The following EHMT1 variants were observed in gnomAD, a reference collection of about 807,000 sequenced individuals.
The protein encoded by EHMT1 is euchromatic histone lysine methyltransferase 1, also known as histone-lysine N-methyltransferase EHMT1.
A neutral mutation model predicts 147.2 loss-of-function variants in EHMT1; 15 were observed. That is an observed-to-expected ratio of 0.10 (90% CI 0.07 to 0.16). The LOEUF is 0.16. EHMT1 is among the 10% of genes least tolerant of loss of function. The pLI, the probability that EHMT1 is intolerant of heterozygous loss-of-function variation, is 1.00. For missense variants in EHMT1, 1,587 were observed against 1,772.4 expected (o/e 0.90, Z 1.88); for synonymous variants, 795 against 709.6 (o/e 1.12, Z -1.91).
chr9:137,811,638 C>T (rs1469761244), intron 19 of EHMT1, 23 bp downstream of exon 19: 13 of 1,599,082 alleles, frequency 8.1e-6, no homozygotes, highest in South Asian at 5.5e-5. Flanking sequence ...CTTCCCCCAG[C>T]GCGGGCTGGC....
intron 1 of EHMT1, among the ~76,000 whole-genome samples, chr9:137,679,738 CTG>C (rs945511381): frequency 2.6e-5 from 4 of 152,144 alleles, no homozygotes; most frequent in African/African-American, 7.2e-5. Context: ...ATATTTTTTT[CTG>C]TGTTTTAAAG....
intron 3 of EHMT1, among the ~76,000 whole-genome samples, chr9:137,718,156 C>G (rs117181518): frequency 6.7e-6 from 1 of 148,502 alleles, no homozygotes; most frequent in African/African-American, 2.5e-5. Context: ...TCACACGCAC[C>G]GTGCTGATTT....
intron 1 of EHMT1, among the ~76,000 whole-genome samples, chr9:137,700,871 G>GA (rs1429092711): frequency 1.3e-5 from 2 of 152,154 alleles, no homozygotes. Flanking sequence ...CTGCTATAAA[G>GA]ACATACCTGA....
chr9:137,818,539 T>C (rs1415458840), intron 25 of EHMT1, among the ~76,000 whole-genome samples: 1 of 145,606 alleles, frequency 6.9e-6, no homozygotes, highest in Non-Finnish European at 1.5e-5. Flanking sequence ...ACCGAGACTG[T>C]AGAGAGGCCG....
Position 137,711,010 on chromosome 9 carries a change from A to G in EHMT1, c.65A>G (p.Lys22Arg). ...GAGCCTCAGCAGGATTGCTGTGTGA[A>G]AACCGAGCTGCTGGGAGAAGGTGAG... Reference protein sequence around the residue: ...RGEPQQDCCVKTELLGEETPM... With the variant: ...RGEPQQDCCVRTELLGEETPM... Residue 22 changes from lysine to arginine, a missense_variant, in exon 2 of 27, where the codon AAA becomes AGA. Around this residue, in one of 7 missense-constraint regions of EHMT1, gnomAD observed 810 missense variants for 673.0 expected, o/e 1.20. Coordinates refer to ENST00000460843, the MANE Select transcript of EHMT1 (RefSeq NM_024757.5). 1 of 1,597,308 alleles carries G rather than the reference A, an allele frequency of 6.3e-7. No homozygotes were observed. Among genetic ancestry groups the G allele is most frequent in the East Asian group, 2.3e-5 (1 of 44,222 alleles).
At chr9:137,772,344 A>G (rs894290192) in intron 10 of EHMT1, among the ~76,000 whole-genome samples, 1 of 117,802 alleles carries the variant, frequency 8.5e-6, no homozygotes, top group African/African-American at 3.6e-5. Context: ...AGTTTTCTTA[A>G]TAGAATATTT....
chr9:137,726,075 C>T (rs1372902150), intron 3 of EHMT1, among the ~76,000 whole-genome samples: 3 of 146,436 alleles, frequency 2.0e-5, no homozygotes, highest in Admixed American at 7.0e-5. Context: ...ATAGTTGATG[C>T]AGGTGCCTTG....
intron 1 of EHMT1, among the ~76,000 whole-genome samples, chr9:137,633,380 A>G (rs1843752304): frequency 1.3e-5 from 2 of 151,684 alleles, no homozygotes; most frequent in Non-Finnish European, 2.9e-5. Flanking sequence ...GGGGGATAAC[A>G]TTTTGCTTAA....
intron 15 of EHMT1, chr9:137,788,424 G>A: frequency 4.4e-6 from 1 of 225,084 alleles, no homozygotes; most frequent in Non-Finnish European, 8.7e-6. Flanking sequence ...CAGGTTTAGG[G>A]ATCTTGTAGG....
intron 1 of EHMT1, among the ~76,000 whole-genome samples, chr9:137,620,853 G>T (rs1235701383): frequency 1.3e-5 from 2 of 152,190 alleles, no homozygotes; most frequent in Admixed American, 1.3e-4. Context: ...CCTTGAATAG[G>T]GCTTTACACA....
At chr9:137,824,851 TCTA>T (rs1411762930) in intron 25 of EHMT1, among the ~76,000 whole-genome samples, 2 of 152,236 alleles carry the variant, frequency 1.3e-5, no homozygotes, top group East Asian at 1.9e-4. Context: ...ATGTATGAAT[TCTA>T]CTCACTTTTT....
rs1030645853 is a variant in EHMT1 at position 137,756,869 on chromosome 9, A to T, written c.1370-1011A>T. Among the ~76,000 whole-genome samples the T allele has an allele frequency of 9.9e-5, 15 of 152,200 alleles. No homozygotes were observed. The East Asian group carries it at 2.9e-3, about 29-fold the overall frequency. On this transcript the variant is annotated intron_variant, in intron 8 of 26. Transcript: ENST00000460843. ...CCTGTTCTTCAAGTTGATGATGGTG[A>T]TTTCTCAAAGGTGGTTGACTTTTCC...
chr9:137,661,333 T>G (rs770442333), intron 1 of EHMT1, among the ~76,000 whole-genome samples: 8 of 152,150 alleles, frequency 5.3e-5, no homozygotes, highest in Non-Finnish European at 1.2e-4. Context: ...TGGTGTTTAT[T>G]TTTTTAATAC....
chr9:137,750,362 C>A (rs959905952), intron 6 of EHMT1, among the ~76,000 whole-genome samples: 50 of 152,318 alleles, frequency 3.3e-4, no homozygotes, highest in African/African-American at 1.2e-3. Context: ...GCAGATATTT[C>A]AGTAGGGATC....
rs1456108063 is a variant in EHMT1, at chr9:137,775,442, C to T, written c.1791+190C>T. Among the ~76,000 whole-genome samples the T allele has an allele frequency of 6.6e-6, 1 of 151,740 alleles. No individual in the cohort carries two copies. Among genetic ancestry groups the T allele is most frequent in the East Asian group, 2.0e-4 (1 of 5,074 alleles). On this transcript the variant is annotated intron_variant, in intron 11 of 26. Transcript: ENST00000460843. The surrounding 1 kb of genome is among the most constrained non-coding windows in gnomAD (Gnocchi z 6.1). ...CTGTCGAGCCCCAGTGCCTTAGACACCTTCACCCCCAACCCCCATTTCCCT... is the reference window on the plus strand; with the variant it reads ...CTGTCGAGCCCCAGTGCCTTAGACATCTTCACCCCCAACCCCCATTTCCCT...
chr9:137,782,419 C>A lies in EHMT1; in HGVS notation c.2382+22C>A, dbSNP rs936592275. On this transcript the variant is annotated intron_variant, in intron 15 of 26. Coordinates refer to ENST00000460843, the MANE Select transcript of EHMT1 (RefSeq NM_024757.5). This position sits in a 1 kb window ranked among gnomAD's most constrained non-coding sequence, Gnocchi z 5.7. ...TCAGGTGCGGCGGCACGGCGCCCTCCTAGGGCTCTTCACCTGCTCTCTTTT... is the reference window on the plus strand; with the variant it reads ...TCAGGTGCGGCGGCACGGCGCCCTCATAGGGCTCTTCACCTGCTCTCTTTT... The A allele has an allele frequency of 6.3e-7, 1 of 1,586,996 alleles. No individual in the cohort carries two copies.
At chr9:137,817,906 A>T in intron 24 of EHMT1, 154 bp from the exon 25 acceptor site, 1 of 755,882 alleles carries the variant, frequency 1.3e-6, no homozygotes, top group Non-Finnish European at 2.3e-6. Context: ...CTGAAACCCC[A>T]GTTCAACCCT....
intron 1 of EHMT1, among the ~76,000 whole-genome samples, chr9:137,655,351 A>G (rs1938329560): frequency 6.6e-6 from 1 of 151,954 alleles, no homozygotes. Context: ...TGGCAACCTC[A>G]CTGGTAGAGG....
In EHMT1 at chr9:137,731,580, C is replaced by T. The variant is rs963324439; in HGVS notation, c.823+3051C>T. Among the ~76,000 whole-genome samples, 1 of 152,148 alleles carries T rather than the reference C, an allele frequency of 6.6e-6. No individual in the cohort carries two copies. Among genetic ancestry groups the T allele is most frequent in the Admixed American group, 6.5e-5 (1 of 15,280 alleles). On this transcript the variant is annotated intron_variant, in intron 4 of 26. Coordinates refer to ENST00000460843, the MANE Select transcript of EHMT1 (RefSeq NM_024757.5). The surrounding 1 kb of genome is among the most constrained non-coding windows in gnomAD (Gnocchi z 4.3). ...AACAGTGTCCATACAGAGCAGGAAT[C>T]GGGGTACGTCCTATCCTGTTGTCAC...
Sources: gnomAD v4.1 joint callset for allele counts (sites outside exome capture counted in the v4.1 genomes callset) on GRCh38, gnomAD v4.1.1 for gene constraint, gnomAD v4.1.1 regional missense constraint, Gnocchi (gnomAD v3.1) non-coding constraint, MANE v1.5 for transcripts, NCBI Gene and HGNC (gene_info 2026-07-23, HGNC 2026-07-21) for gene names.